ERBB4: variants seen among roughly 807,000 people sequenced by gnomAD.
ERBB4 encodes erb-b2 receptor tyrosine kinase 4.
Under a neutral mutation model 158.0 loss-of-function variants are expected in ERBB4, and 42 were observed. The ratio of observed to expected loss-of-function variants is 0.27; its 90% CI spans 0.21 to 0.34. The LOEUF (loss-of-function observed/expected upper bound fraction) is 0.34, where lower values mean the gene tolerates loss of function less well. ERBB4 is among the 10% of genes least tolerant of loss of function. The probability of loss-of-function intolerance (pLI) is 1.00; values close to 1 mark genes in which losing one functional copy is unlikely to be tolerated. For synonymous variants in ERBB4, 583 were observed against 558.7 expected, an observed-to-expected ratio of 1.04 and a Z score of -0.61; for missense variants, 1,333 against 1,624.1, an observed-to-expected ratio of 0.82 and a Z score of 3.08.
At chr2:211,540,567 T>C (rs983781232) in intron 20 of ERBB4, among the ~76,000 whole-genome samples, 6 of 151,804 alleles carry the variant, frequency 4.0e-5, no homozygotes, top group African/African-American at 1.4e-4. Flanking sequence ...TTTTTTGTTT[T>C]GTTTTGTTTT....
intron 3 of ERBB4, among the ~76,000 whole-genome samples, chr2:211,862,818 G>T (rs2078097364): frequency 6.6e-6 from 1 of 152,204 alleles, no homozygotes; most frequent in South Asian, 2.1e-4. Context: ...AATAGTGAGA[G>T]GTGAAGCCAG....
In ERBB4 at chr2:211,413,305, T is replaced by TAAAAAA. The variant is rs768289370; in HGVS notation, c.3135+7135_3135+7136insTTTTTT. Reference sequence around the variant, plus strand: ...TTGGGGACAGAGAGAGACCCTGTCTTAAAAACACACACACACACACACACA... The same window carrying TAAAAAA: ...TTGGGGACAGAGAGAGACCCTGTCTTAAAAAAAAAAACACACACACACACACACACA... On this transcript the variant is annotated intron_variant, in intron 25 of 27. Coordinates refer to ENST00000342788, the MANE Select transcript of ERBB4 (RefSeq NM_005235.3). Among the ~76,000 whole-genome samples, 12 of 56,946 alleles carry TAAAAAA rather than the reference T, an allele frequency of 2.1e-4. 1 individual carries two copies. The highest frequency in any genetic ancestry group is 7.4e-4 in the African/African-American group (10 of 13,496). The allele number at this position is 56,946 out of a possible 152,430, so 37.4% of individuals were successfully genotyped here. A position where few individuals can be genotyped will look rare whatever the true frequency, so the allele number is the denominator to read the frequency against.
At chr2:211,922,329 T>C (rs1265188843) in intron 3 of ERBB4, among the ~76,000 whole-genome samples, 2 of 152,158 alleles carry the variant, frequency 1.3e-5, no homozygotes, top group Non-Finnish European at 2.9e-5. Flanking sequence ...TTTTCATGTA[T>C]GAACAAGAGT....
chr2:212,043,069 A>G (rs936414212), intron 2 of ERBB4, among the ~76,000 whole-genome samples: 4 of 152,174 alleles, frequency 2.6e-5, no homozygotes, highest in African/African-American at 9.6e-5. Context: ...GAAGAGCCAG[A>G]TGGGCCCTGC....
intron 12 of ERBB4, among the ~76,000 whole-genome samples, chr2:211,680,157 T>G (rs1161886711): frequency 6.6e-6 from 1 of 152,216 alleles, no homozygotes; most frequent in African/African-American, 2.4e-5. Flanking sequence ...ATCTCTATGT[T>G]ATCTCTATTT....
At chr2:212,302,488 C>T (rs2086658158) in intron 1 of ERBB4, among the ~76,000 whole-genome samples, 2 of 151,412 alleles carry the variant, frequency 1.3e-5, no homozygotes, top group South Asian at 2.1e-4. Flanking sequence ...TTTGAATTTA[C>T]AAGCCATCAA....
intron 19 of ERBB4, among the ~76,000 whole-genome samples, chr2:211,589,744 A>T (rs1451710289): frequency 6.6e-6 from 1 of 152,212 alleles, no homozygotes; most frequent in African/African-American, 2.4e-5. Context: ...TCTGAATTCA[A>T]AATTGATCAT....
chr2:211,987,159 A>G (rs1198497630), intron 2 of ERBB4, among the ~76,000 whole-genome samples: 1 of 151,796 alleles, frequency 6.6e-6, no homozygotes, highest in African/African-American at 2.4e-5. Context: ...GGTCTCTACT[A>G]AACACACAAA....
intron 19 of ERBB4, among the ~76,000 whole-genome samples, chr2:211,596,674 CT>C (rs983142011): frequency 1.6e-4 from 24 of 152,104 alleles, no homozygotes; most frequent in East Asian, 9.7e-4. Flanking sequence ...CTCTTGATGA[CT>C]TTTTTTCCCC....
At chr2:211,576,049 G>A (rs556917501) in intron 19 of ERBB4, among the ~76,000 whole-genome samples, 2 of 152,176 alleles carry the variant, frequency 1.3e-5, no homozygotes, top group African/African-American at 4.8e-5. Flanking sequence ...AGGGGATCCA[G>A]TTGGAGGTAA....
chr2:212,190,964 T>C (rs1053238017), intron 1 of ERBB4, among the ~76,000 whole-genome samples: 1 of 151,980 alleles, frequency 6.6e-6, no homozygotes, highest in African/African-American at 2.4e-5. Context: ...AGTTGGCTAA[T>C]ACCAAGTTTC....
chr2:211,629,574 A>C (rs1272141786), intron 17 of ERBB4, among the ~76,000 whole-genome samples: 2 of 152,188 alleles, frequency 1.3e-5, no homozygotes, highest in Non-Finnish European at 2.9e-5. Flanking sequence ...ACCAAAAAAG[A>C]GCCCGCATTG....
At chr2:211,448,710 T>TAAA (rs1241131353) in intron 20 of ERBB4, among the ~76,000 whole-genome samples, 8 of 152,126 alleles carry the variant, frequency 5.3e-5, no homozygotes, top group African/African-American at 1.7e-4. Flanking sequence ...CTTTTAAGAT[T>TAAA]AAGCCCAAGA....
At chr2:212,188,241 CCT>C (rs1186782186) in intron 1 of ERBB4, among the ~76,000 whole-genome samples, 418 of 26,554 alleles carry the variant, frequency 0.016, 36 homozygotes, top group East Asian at 0.035. Context: ...TCTCCCCCCC[CCT>C]CTCACCCCCT....
At chr2:211,481,689 G>C (rs532764198) in intron 20 of ERBB4, among the ~76,000 whole-genome samples, 21 of 152,028 alleles carry the variant, frequency 1.4e-4, no homozygotes, top group Non-Finnish European at 2.8e-4. Flanking sequence ...ATTCAACATA[G>C]TGCCTATAGC....
chr2:211,585,079 G>T (rs560725451), intron 19 of ERBB4, among the ~76,000 whole-genome samples: 1 of 151,964 alleles, frequency 6.6e-6, no homozygotes, highest in African/African-American at 2.4e-5. Flanking sequence ...CTGGCCGGGC[G>T]CAGTGGCTCA....
chr2:212,166,298 C>A (rs1246780895), intron 1 of ERBB4, among the ~76,000 whole-genome samples: 1 of 152,038 alleles, frequency 6.6e-6, no homozygotes, highest in Non-Finnish European at 1.5e-5. Flanking sequence ...CTTCTCACTA[C>A]AGATTTAGAT....
At position 212,452,163 on chromosome 2, in the gene ERBB4, C is replaced by G. The variant is rs1040372761; in HGVS notation, c.82+86286G>C. Among the ~76,000 whole-genome samples the G allele has an allele frequency of 6.6e-5, 10 of 152,082 alleles. No homozygotes were observed. In the South Asian group the frequency reaches 1.0e-3, roughly 16 times the overall value. ...GAGGATGAAGGGAGGGAATAACTTA[C>G]CAAGGTTCTTTAAATCATGCCAGCC... On this transcript the variant is annotated intron_variant, in intron 1 of 27. Coordinates refer to ENST00000342788, the MANE Select transcript of ERBB4 (RefSeq NM_005235.3).
chr2:212,481,916 G>C (rs1359562123), intron 1 of ERBB4, among the ~76,000 whole-genome samples: 1 of 152,194 alleles, frequency 6.6e-6, no homozygotes, highest in Non-Finnish European at 1.5e-5. Context: ...TAGCTATTTA[G>C]AGAGTTATTG....
Sources: gnomAD v4.1 joint callset for allele counts (sites outside exome capture counted in the v4.1 genomes callset) on GRCh38, gnomAD v4.1.1 for gene constraint, MANE v1.5 for transcripts, NCBI Gene and HGNC (gene_info 2026-07-23, HGNC 2026-07-21) for gene names.